MAST4: variants seen among roughly 807,000 people sequenced by gnomAD.
MAST4 encodes the protein microtubule associated serine/threonine kinase family member 4.
MAST4 carries 89 observed loss-of-function variants against 162.7 expected under a neutral mutation model. The observed-to-expected ratio is 0.55, with a 90% CI of 0.46 to 0.65. The LOEUF is 0.65. MAST4 is among the 30% of genes least tolerant of loss of function. The pLI, the probability that MAST4 is intolerant of heterozygous loss-of-function variation, is 0.00. For missense variants in MAST4, 3,153 were observed against 3,374.0 expected (o/e 0.93, Z 1.62); for synonymous variants, 1,479 against 1,361.1 (o/e 1.09, Z -1.91).
At chr5:66,981,081 G>A (rs1748756351) in intron 4 of MAST4, among the ~76,000 whole-genome samples, 1 of 152,090 alleles carries the variant, frequency 6.6e-6, no homozygotes, top group Admixed American at 6.5e-5. Context: ...AGATCGTTTG[G>A]GCATAGAAAT....
At chr5:67,012,824 C>A (rs1752851257) in intron 4 of MAST4, among the ~76,000 whole-genome samples, 1 of 152,124 alleles carries the variant, frequency 6.6e-6, no homozygotes, top group South Asian at 2.1e-4. Context: ...AATAAAAGGA[C>A]CTGTGGGAAT....
intron 10 of MAST4, among the ~76,000 whole-genome samples, chr5:67,106,101 T>A (rs1202652529): frequency 1.3e-5 from 2 of 152,198 alleles, no homozygotes; most frequent in Non-Finnish European, 2.9e-5. Flanking sequence ...CTTCTCTGCC[T>A]CTTCCAGGGA....
intron 4 of MAST4, among the ~76,000 whole-genome samples, chr5:66,966,520 AG>A (rs1383637658): frequency 6.6e-6 from 1 of 152,218 alleles, no homozygotes; most frequent in African/African-American, 2.4e-5. Context: ...TAAGGGATCC[AG>A]GGGGATCTTT....
intron 3 of MAST4, among the ~76,000 whole-genome samples, chr5:66,890,057 G>A (rs545267357): frequency 4.6e-5 from 7 of 152,192 alleles, no homozygotes; most frequent in Non-Finnish European, 1.0e-4. Context: ...GAAGGACTGT[G>A]CCTTCTCTAA....
At chr5:67,162,293 A>G (rs1193845283) in intron 27 of MAST4, among the ~76,000 whole-genome samples, 1 of 152,222 alleles carries the variant, frequency 6.6e-6, no homozygotes, top group East Asian at 1.9e-4. Flanking sequence ...GAAGCTTTCA[A>G]GCAAAGAGCA....
At chr5:66,694,484 CTTTCTTTTT>C (rs977115390) in intron 1 of MAST4, among the ~76,000 whole-genome samples, 1 of 151,594 alleles carries the variant, frequency 6.6e-6, no homozygotes, top group African/African-American at 2.4e-5. Context: ...TTCTTTTTTT[CTTTCTTTTT>C]TTTCTTTTTT....
chr5:67,161,816 C>T (rs1773212088), intron 27 of MAST4, among the ~76,000 whole-genome samples: 1 of 152,174 alleles, frequency 6.6e-6, no homozygotes, highest in African/African-American at 2.4e-5. Context: ...TGCTTTAAAT[C>T]ATTTAGAACA....
intron 1 of MAST4, among the ~76,000 whole-genome samples, chr5:66,686,354 C>A (rs1486466003): frequency 6.6e-6 from 1 of 152,108 alleles, no homozygotes; most frequent in African/African-American, 2.4e-5. Context: ...ATCATTGTGA[C>A]TGTGTACACT....
chr5:67,092,878 C>T (rs1764024657), intron 6 of MAST4, among the ~76,000 whole-genome samples: 1 of 152,140 alleles, frequency 6.6e-6, no homozygotes, highest in African/African-American at 2.4e-5. Context: ...TTCCTGCTCC[C>T]TTTCTGTTTT....
intron 1 of MAST4, among the ~76,000 whole-genome samples, chr5:66,710,425 C>T (rs1475307060): frequency 6.6e-6 from 1 of 152,076 alleles, no homozygotes; most frequent in Non-Finnish European, 1.5e-5. Context: ...TGTTAGATGG[C>T]TGGGATTTTT....
intron 26 of MAST4, among the ~76,000 whole-genome samples, chr5:67,157,285 T>C (rs1022403198): frequency 6.6e-6 from 1 of 152,236 alleles, no homozygotes; most frequent in East Asian, 1.9e-4. Flanking sequence ...GTATTTCCCC[T>C]TAGAGAAGTT....
intron 4 of MAST4, among the ~76,000 whole-genome samples, chr5:66,965,361 A>T (rs560544630): frequency 4.6e-5 from 7 of 151,928 alleles, no homozygotes; most frequent in African/African-American, 1.7e-4. Context: ...ATTAAATACA[A>T]TGCTTGTATT....
chr5:66,847,774 T>C (rs1383456934), intron 3 of MAST4, among the ~76,000 whole-genome samples: 1 of 132,156 alleles, frequency 7.6e-6, no homozygotes, highest in Non-Finnish European at 1.6e-5. Flanking sequence ...TGAGCTGAGA[T>C]TGTGCCACTA....
Position 66,817,391 on chromosome 5 carries a change from T to C in MAST4, c.642+28597T>C, listed in dbSNP as rs114585022. On this transcript the variant is annotated intron_variant, in intron 3 of 28. Coordinates refer to ENST00000403625, the MANE Select transcript of MAST4 (RefSeq NM_001164664.2). ...ATTGCTTAAAGCAATGATAAGTATA[T>C]AAAATTAAAGAAGAATATGTTCTGT... 6.0e-3 allele frequency among the ~76,000 whole-genome samples: 914 copies of C among 152,262 alleles called. 9 individuals carry two copies. Among genetic ancestry groups the C allele is most frequent in the African/African-American group, 0.021 (875 of 41,542 alleles).
chr5:67,152,269 A>G (rs1372275493), intron 24 of MAST4, among the ~76,000 whole-genome samples: 2 of 152,192 alleles, frequency 1.3e-5, no homozygotes, highest in Non-Finnish European at 2.9e-5. Flanking sequence ...TGCATCTATG[A>G]TTTATTTCTT....
intron 1 of MAST4, among the ~76,000 whole-genome samples, chr5:66,652,372 T>G (rs1746284365): frequency 6.6e-6 from 1 of 152,186 alleles, no homozygotes; most frequent in South Asian, 2.1e-4. Flanking sequence ...ATTTCATAAT[T>G]ATTACAAAAA....
At chr5:66,681,766 C>A (rs940471316) in intron 1 of MAST4, among the ~76,000 whole-genome samples, 14 of 152,212 alleles carry the variant, frequency 9.2e-5, no homozygotes, top group African/African-American at 2.9e-4. Flanking sequence ...AGTGCTTACC[C>A]ACCTGTATCT....
intron 4 of MAST4, among the ~76,000 whole-genome samples, chr5:66,997,034 T>C (rs943711790): frequency 1.3e-5 from 2 of 152,214 alleles, no homozygotes; most frequent in African/African-American, 4.8e-5. Flanking sequence ...TTTGGCTTTT[T>C]CCCAACATTA....
intron 4 of MAST4, among the ~76,000 whole-genome samples, chr5:67,026,498 TCATGCAAC>T (rs1343332108): frequency 6.6e-6 from 1 of 152,246 alleles, no homozygotes; most frequent in Non-Finnish European, 1.5e-5. Flanking sequence ...GAAATGTAAT[TCATGCAAC>T]CATCAGCAGA....
Sources: allele counts gnomAD v4.1 joint callset (sites outside exome capture counted in the v4.1 genomes callset), GRCh38; gene constraint gnomAD v4.1.1; transcripts MANE v1.5; gene names NCBI Gene and HGNC (gene_info 2026-07-23, HGNC 2026-07-21).